Variants in NEK9 observed in about 807,000 individuals in gnomAD.
NEK9 encodes the protein NIMA related kinase 9.
Under a neutral mutation model 123.4 loss-of-function variants are expected in NEK9, and 75 were observed. The observed-to-expected ratio is 0.61, with a 90% CI of 0.50 to 0.74. The LOEUF (loss-of-function observed/expected upper bound fraction) is 0.74, where lower values mean the gene tolerates loss of function less well. Ranked by LOEUF, NEK9 falls within the 30% of genes least tolerant of loss-of-function variation. The probability of loss-of-function intolerance (pLI) is 0.00; values close to 1 mark genes in which losing one functional copy is unlikely to be tolerated. For missense variants in NEK9, 952 were observed against 1,214.4 expected (o/e 0.78, Z 3.21); for synonymous variants, 438 against 458.7 (o/e 0.95, Z 0.58).
Position 75,103,866 on chromosome 14 carries a change from G to A in NEK9, c.1707C>T (p.Cys569=). The A allele has an allele frequency of 3.1e-6, 5 of 1,613,380 alleles. No homozygotes were observed. The highest frequency in any genetic ancestry group is 4.2e-6 in the Non-Finnish European group (5 of 1,179,786). The change falls in exon 14 of 22, where the codon TGC becomes TGT. Residue 569 remains cysteine, a synonymous_variant. Coordinates refer to ENST00000238616, the MANE Select transcript of NEK9 (RefSeq NM_033116.6). The part of the protein sequence containing the change: ...NEFNKLGLNQ[C]MSGIINHEAY... Reference sequence around the variant, plus strand: ...CTTCATGGTTGATAATTCCCGACATGCACTGATTCAGACCCAGCTTATTGA... The same window carrying A: ...CTTCATGGTTGATAATTCCCGACATACACTGATTCAGACCCAGCTTATTGA...
intron 8 of NEK9, among the ~76,000 whole-genome samples, chr14:75,112,621 G>T (rs960167871): frequency 6.6e-6 from 1 of 152,106 alleles, no homozygotes; most frequent in Non-Finnish European, 1.5e-5. Flanking sequence ...CAACAGCTTT[G>T]AGATCAGCCT....
In NEK9 at chr14:75,083,136, C is replaced by G. The variant is rs1893916460; in HGVS notation, c.*1428G>C. ...TGATAAGATTATCAAACATTTTGGT[C>G]TGGGGAAGATGAAACAAAATTAATT... On this transcript the variant is annotated 3_prime_UTR_variant, in exon 22 of 22. Transcript: ENST00000238616. 5.0e-6 allele frequency: 2 copies of G among 398,340 alleles called. No individual in the cohort carries two copies. Among genetic ancestry groups the G allele is most frequent in the African/African-American group, 4.1e-5 (2 of 48,562 alleles). 24.7% of individuals were successfully genotyped at this position (398,340 alleles called of 1,614,324 possible). A position where few individuals can be genotyped will look rare whatever the true frequency, so the allele number is the denominator to read the frequency against.
intron 10 of NEK9, 101 bp from the exon 11 acceptor site, chr14:75,107,588 T>C: frequency 3.0e-6 from 3 of 1,013,362 alleles, no homozygotes; most frequent in Non-Finnish European, 4.1e-6. Context: ...AAGCTGGTCT[T>C]GAACTCCTGG....
At chr14:75,100,110 T>C (rs1464552768) in intron 16 of NEK9, among the ~76,000 whole-genome samples, 40 of 87,164 alleles carry the variant, frequency 4.6e-4, no homozygotes, top group African/African-American at 1.3e-3. Context: ...GGCTGGGCAA[T>C]AGAGCAAGAC....
chr14:75,087,129 C>T lies in NEK9; in HGVS notation c.2706G>A (p.Leu902=). 1 of 1,614,232 alleles carries T rather than the reference C, an allele frequency of 6.2e-7. No homozygotes were observed. Among genetic ancestry groups the T allele is most frequent in the Non-Finnish European group, 8.5e-7 (1 of 1,180,042 alleles). The part of the protein sequence containing the change: ...CSSLQVEVER[L]QGLVLKCLAE... ...CCAGACACTTTAACACCAGACCCTG[C>T]AATCTCTCAACCTCCACCTGCAGAG... Residue 902 remains leucine, a synonymous_variant, in exon 21 of 22, where the codon TTG becomes TTA. Coordinates refer to ENST00000238616, the MANE Select transcript of NEK9 (RefSeq NM_033116.6).
At chr14:75,086,798 C>A in intron 21 of NEK9, 1 of 479,142 alleles carries the variant, frequency 2.1e-6, no homozygotes, top group Non-Finnish European at 3.8e-6. Flanking sequence ...CCCAGCTACT[C>A]GGGAGGCTGA....
Position 75,124,232 on chromosome 14 carries a change from A to G in NEK9, c.220-9T>C. 1.2e-6 allele frequency: 2 copies of G among 1,610,842 alleles called. No individual in the cohort carries two copies. The highest frequency in any genetic ancestry group is 2.2e-5 in the East Asian group (1 of 44,848). On this transcript the variant is annotated splice_polypyrimidine_tract_variant and intron_variant, in intron 1 of 21. Transcript: ENST00000238616. ...ACAACCAGTGAGTCATCCTAAACAC[A>G]GTAACAGAGGTATCGTGCTTTTCCT...
chr14:75,097,546 C>T (rs564576515), intron 16 of NEK9, among the ~76,000 whole-genome samples: 12 of 152,302 alleles, frequency 7.9e-5, no homozygotes, highest in South Asian at 4.1e-4. Flanking sequence ...CAAACAGTGA[C>T]TGAACATCTA....
intron 17 of NEK9, 70 bp downstream of exon 17, chr14:75,097,030 C>A: frequency 2.1e-6 from 3 of 1,422,418 alleles, no homozygotes; most frequent in Non-Finnish European, 2.8e-6. Context: ...AACAATGTGA[C>A]TAACAGTACT....
In NEK9 at chr14:75,083,189, A is replaced by C; in HGVS notation, c.*1375T>G. The stretch of plus-strand genomic sequence containing the variant: ...GCTGTTTATAGGAAGGTGGGATGTG[A>C]GACTCATCAAAGGTAGGATGTGTGA... On this transcript the variant is annotated 3_prime_UTR_variant, in exon 22 of 22. Transcript: ENST00000238616. 2.5e-6 allele frequency: 1 copy of C among 398,224 alleles called. No homozygotes were observed. The highest frequency in any genetic ancestry group is 4.4e-6 in the Non-Finnish European group (1 of 226,030). 24.7% of individuals were successfully genotyped at this position (398,224 alleles called of 1,614,324 possible). A position where few individuals can be genotyped will look rare whatever the true frequency, so the allele number is the denominator to read the frequency against.
In NEK9 at chr14:75,114,244, A is replaced by G. The variant is rs968701845; in HGVS notation, c.832T>C (p.Ser278Pro). 1 of 1,614,118 alleles carries G rather than the reference A, an allele frequency of 6.2e-7. No homozygotes were observed. The highest frequency in any genetic ancestry group is 8.5e-7 in the Non-Finnish European group (1 of 1,179,982). Residue 278 changes from serine (S) to proline (P), a missense_variant, in exon 7 of 22, where the codon TCT becomes CCT. By Grantham distance (74) the Ser-to-Pro change is moderately conservative (BLOSUM62 -1). Transcript: ENST00000238616. ...TGAACCATTTGGATCAATTCCAAAGAGTACTGGCTAGAGTCAACTTCCATG... is the reference window on the plus strand; with the variant it reads ...TGAACCATTTGGATCAATTCCAAAGGGTACTGGCTAGAGTCAACTTCCATG... ...RAMEVDSSQY[S>P]LELIQMVHSC... is the part of the protein sequence containing the mutation.
chr14:75,117,501 A>C (rs531701019), intron 5 of NEK9, among the ~76,000 whole-genome samples, 175 bp from the exon 6 acceptor site: 1 of 152,336 alleles, frequency 6.6e-6, no homozygotes, highest in South Asian at 2.1e-4. Context: ...AATCTTATTC[A>C]TATCAAACCT....
chr14:75,097,328 G>C, intron 16 of NEK9, 58 bp from the exon 17 acceptor site: 1 of 1,422,994 alleles, frequency 7.0e-7, no homozygotes, highest in East Asian at 2.3e-5. Flanking sequence ...CCAATTCTCC[G>C]GGTTCCCCAT....
chr14:75,095,306 A>T, intron 18 of NEK9, 66 bp downstream of exon 18: 1 of 1,122,078 alleles, frequency 8.9e-7, no homozygotes, highest in Non-Finnish European at 1.3e-6. Context: ...TTTGGAGTCT[A>T]CATGGAATCT....
intron 8 of NEK9, among the ~76,000 whole-genome samples, chr14:75,111,752 G>A (rs1273918151): frequency 2.0e-5 from 3 of 152,146 alleles, no homozygotes; most frequent in Admixed American, 6.6e-5. Flanking sequence ...CTAGCCAGGC[G>A]TGGTGGCGCC....
chr14:75,108,200 C>T (rs928172756), intron 10 of NEK9, among the ~76,000 whole-genome samples: 1 of 151,742 alleles, frequency 6.6e-6, no homozygotes, highest in African/African-American at 2.4e-5. Context: ...TCTCAGCTCA[C>T]TGCAAGCTCT....
intron 19 of NEK9, among the ~76,000 whole-genome samples, chr14:75,089,903 T>G (rs1376922134): frequency 6.6e-6 from 1 of 151,978 alleles, no homozygotes; most frequent in Non-Finnish European, 1.5e-5. Context: ...TTCACCATGT[T>G]GGCCAGGATG....
Position 75,103,897 on chromosome 14 carries a change from T to C in NEK9, c.1676A>G (p.Asn559Ser), listed in dbSNP as rs904869240. The change falls in exon 14 of 22, where the codon AAT becomes AGT. Residue 559 changes from asparagine to serine, a missense_variant. Transcript: ENST00000238616. ...QSGKVLACGLNEFNKLGLNQC... is the reference protein window; with the variant it reads ...QSGKVLACGLSEFNKLGLNQC... Reference sequence around the variant, plus strand: ...ATTCAGACCCAGCTTATTGAATTCATTGAGTCCACAGGCCAGCACTTTGCC... The same window carrying C: ...ATTCAGACCCAGCTTATTGAATTCACTGAGTCCACAGGCCAGCACTTTGCC... 1.9e-6 allele frequency: 3 copies of C among 1,614,176 alleles called. No homozygotes were observed. In the Admixed American group the frequency reaches 5.0e-5, roughly 27 times the overall value.
At chr14:75,092,514 G>A (rs1229699610) in intron 18 of NEK9, among the ~76,000 whole-genome samples, 4 of 145,800 alleles carry the variant, frequency 2.7e-5, no homozygotes, top group Non-Finnish European at 6.1e-5. Context: ...TGATCCACCC[G>A]CCTCGGCCTC....
Sources: allele counts gnomAD v4.1 joint callset (sites outside exome capture counted in the v4.1 genomes callset), GRCh38; gene constraint gnomAD v4.1.1; transcripts MANE v1.5; gene names NCBI Gene and HGNC (gene_info 2026-07-23, HGNC 2026-07-21).